Variants in NUBPL observed in about 807,000 individuals in gnomAD.
NUBPL encodes the protein NUBP iron-sulfur cluster assembly factor, mitochondrial.
Under a neutral mutation model 45.7 loss-of-function variants are expected in NUBPL, and 31 were observed. That is an observed-to-expected ratio of 0.68 (90% CI 0.51 to 0.92). The LOEUF (loss-of-function observed/expected upper bound fraction) is 0.92. Among genes scored for constraint, NUBPL ranks in the 40% least tolerant of loss-of-function variants. NUBPL has a pLI of 0.00. For missense variants in NUBPL, 401 were observed against 398.7 expected (o/e 1.01, Z -0.05); for synonymous variants, 144 against 140.9 (o/e 1.02, Z -0.15).
chr14:31,803,305 A>G (rs1566570599), intron 7 of NUBPL, among the ~76,000 whole-genome samples: 2 of 152,212 alleles, frequency 1.3e-5, no homozygotes, highest in African/African-American at 2.4e-5. Flanking sequence ...TTAAATAACT[A>G]TTTTTTCACT....
At chr14:31,624,999 C>T (rs2035166630) in intron 4 of NUBPL, among the ~76,000 whole-genome samples, 1 of 152,212 alleles carries the variant, frequency 6.6e-6, no homozygotes, top group South Asian at 2.1e-4. Context: ...TCCAAAATGG[C>T]AGTTGTGTTC....
At chr14:31,848,889 C>G (rs547437259) in intron 9 of NUBPL, among the ~76,000 whole-genome samples, 29 of 152,132 alleles carry the variant, frequency 1.9e-4, no homozygotes, top group Non-Finnish European at 1.2e-4. Flanking sequence ...TGATTCTTTA[C>G]TAGAATGACA....
chr14:31,770,366 G>T (rs1005944722), intron 6 of NUBPL, among the ~76,000 whole-genome samples: 1 of 152,124 alleles, frequency 6.6e-6, no homozygotes, highest in Non-Finnish European at 1.5e-5. Context: ...TCACTGGGGC[G>T]TGGAAAATGG....
At chr14:31,666,622 A>C (rs973158801) in intron 4 of NUBPL, among the ~76,000 whole-genome samples, 1 of 152,096 alleles carries the variant, frequency 6.6e-6, no homozygotes, top group Non-Finnish European at 1.5e-5. Flanking sequence ...TTTTCACATT[A>C]GTTGATGCGG....
intron 6 of NUBPL, among the ~76,000 whole-genome samples, chr14:31,752,056 AT>A (rs1413391400): frequency 6.6e-6 from 1 of 151,884 alleles, no homozygotes; most frequent in Non-Finnish European, 1.5e-5. Flanking sequence ...CCACAAAACC[AT>A]TTTTCCTTCC....
At chr14:31,801,012 T>A (rs1175445993) in intron 7 of NUBPL, 1 of 152,170 alleles carries the variant, frequency 6.6e-6, no homozygotes, top group Non-Finnish European at 1.5e-5. Context: ...ACCTAGGGAC[T>A]AGTGACAGTA....
chr14:31,719,333 C>T (rs2037757795), intron 6 of NUBPL, among the ~76,000 whole-genome samples: 1 of 152,062 alleles, frequency 6.6e-6, no homozygotes, highest in South Asian at 2.1e-4. Context: ...TAAGTTGAGC[C>T]ATTGTATGTG....
chr14:31,719,176 C>A lies in NUBPL; in HGVS notation c.513+45602C>A, dbSNP rs143714599. Among the ~76,000 whole-genome samples the A allele has an allele frequency of 2.1e-3, 316 of 152,296 alleles. 1 individual carries two copies. The highest frequency in any genetic ancestry group is 7.3e-3 in the African/African-American group (302 of 41,578). ...ACCCTCATGACTGAATAGCTGGGAA[C>A]TGATTTGTTGCTGCCGCCCTGCATC... On this transcript the variant is annotated intron_variant, in intron 6 of 10. Coordinates refer to ENST00000281081, the MANE Select transcript of NUBPL (RefSeq NM_025152.3).
chr14:31,810,830 C>A (rs1366487959), intron 7 of NUBPL, among the ~76,000 whole-genome samples: 2 of 152,092 alleles, frequency 1.3e-5, no homozygotes, highest in Non-Finnish European at 2.9e-5. Flanking sequence ...CAAAATCTCT[C>A]AGCATTTGCT....
chr14:31,755,002 T>C (rs571126384), intron 6 of NUBPL, among the ~76,000 whole-genome samples: 1,814 of 151,896 alleles, frequency 0.012, 28 homozygotes, highest in African/African-American at 0.034. Context: ...TCCAATTTCA[T>C]CCATGTCCCT....
At chr14:31,850,264 A>C (rs1414183072) in intron 10 of NUBPL, 63 bp downstream of exon 10, 1 of 1,289,960 alleles carries the variant, frequency 7.8e-7, no homozygotes, top group African/African-American at 1.5e-5. Flanking sequence ...ATACAGAAAG[A>C]AAGTTGGGAA....
At chr14:31,572,378 A>G (rs576729958) in intron 3 of NUBPL, among the ~76,000 whole-genome samples, 1 of 152,106 alleles carries the variant, frequency 6.6e-6, no homozygotes, top group African/African-American at 2.4e-5. Context: ...TGACCTCATG[A>G]TCCGCCTGCT....
chr14:31,822,614 G>T (rs2040036139), intron 7 of NUBPL, among the ~76,000 whole-genome samples: 2 of 152,020 alleles, frequency 1.3e-5, no homozygotes, highest in Non-Finnish European at 2.9e-5. Flanking sequence ...AAACCCAGAG[G>T]CTGATTGTAT....
chr14:31,712,033 T>G (rs1405875899), intron 6 of NUBPL, among the ~76,000 whole-genome samples: 1 of 152,130 alleles, frequency 6.6e-6, no homozygotes, highest in Non-Finnish European at 1.5e-5. Flanking sequence ...AGATTTATTG[T>G]GAAGAGCAAA....
At chr14:31,629,794 CTT>C (rs1342062104) in intron 4 of NUBPL, among the ~76,000 whole-genome samples, 2 of 152,110 alleles carry the variant, frequency 1.3e-5, no homozygotes, top group Non-Finnish European at 2.9e-5. Flanking sequence ...CTCAATTAAT[CTT>C]TTCCCTTCCC....
chr14:31,630,637 G>A (rs928792986), intron 4 of NUBPL, among the ~76,000 whole-genome samples: 3 of 152,102 alleles, frequency 2.0e-5, no homozygotes, highest in Non-Finnish European at 4.4e-5. Context: ...TAAGTTACCT[G>A]GAATCAGTTT....
At chr14:31,613,456 A>ATT (rs763346720) in intron 4 of NUBPL, among the ~76,000 whole-genome samples, 2 of 145,886 alleles carry the variant, frequency 1.4e-5, no homozygotes, top group Admixed American at 6.9e-5. Flanking sequence ...GTGTAATTGG[A>ATT]TTTTTTTTTT....
At chr14:31,641,483 C>G (rs1419079713) in intron 4 of NUBPL, among the ~76,000 whole-genome samples, 1 of 152,174 alleles carries the variant, frequency 6.6e-6, no homozygotes, top group African/African-American at 2.4e-5. Flanking sequence ...TCCAGCTTCA[C>G]TCATGTTATT....
Position 31,787,317 on chromosome 14 carries a change from A to G in NUBPL, c.514-463A>G, listed in dbSNP as rs181570096. 1.7e-3 allele frequency among the ~76,000 whole-genome samples: 264 copies of G among 152,312 alleles called. 2 individuals are homozygous for G. The highest frequency in any genetic ancestry group is 0.012 in the South Asian group (60 of 4,828). Reference sequence around the variant, plus strand: ...TTAATAATATTGGGACTCAAGTTATATTAAATTTTTTATTATTAAGTTTTG... The same window carrying G: ...TTAATAATATTGGGACTCAAGTTATGTTAAATTTTTTATTATTAAGTTTTG... On this transcript the variant is annotated intron_variant, in intron 6 of 10. Transcript: ENST00000281081.
Sources: gnomAD v4.1 joint callset for allele counts (sites outside exome capture counted in the v4.1 genomes callset) on GRCh38, gnomAD v4.1.1 for gene constraint, MANE v1.5 for transcripts, NCBI Gene and HGNC (gene_info 2026-07-23, HGNC 2026-07-21) for gene names.